The following IL1RAPL2 variants were observed in gnomAD, a reference collection of about 807,000 sequenced individuals.
IL1RAPL2 encodes interleukin 1 receptor accessory protein like 2.
In IL1RAPL2, 3 loss-of-function variants were observed where a neutral mutation model predicts 44.1. The ratio of observed to expected loss-of-function variants is 0.07; its 90% CI spans 0.03 to 0.18. The LOEUF (loss-of-function observed/expected upper bound fraction) is 0.18, where lower values mean the gene tolerates loss of function less well. Among genes scored for constraint, IL1RAPL2 ranks in the 10% least tolerant of loss-of-function variants. The probability of loss-of-function intolerance (pLI) is 1.00; values close to 1 mark genes in which losing one functional copy is unlikely to be tolerated. For synonymous variants in IL1RAPL2, 181 were observed against 178.8 expected (o/e 1.01, Z -0.10); for missense variants, 391 against 496.4 (o/e 0.79, Z 2.02).
chrX:105,611,305 AT>A (rs1007605688), intron 6 of IL1RAPL2, among the ~76,000 whole-genome samples: 14 of 111,658 alleles, frequency 1.3e-4, no homozygotes, highest in Middle Eastern at 4.7e-3. Flanking sequence ...CTGTTAAATA[AT>A]TTTTTTAATG....
intron 2 of IL1RAPL2, among the ~76,000 whole-genome samples, chrX:104,798,887 T>C (rs1266043969): frequency 9.0e-6 from 1 of 111,141 alleles, no homozygotes; most frequent in Non-Finnish European, 1.9e-5. Flanking sequence ...CTTAAAGCCT[T>C]ATTTTGTGGA....
At position 105,486,317 on chromosome X, in the gene IL1RAPL2, ATAG is replaced by A. The variant is rs375537004; in HGVS notation, c.772+1935_772+1937del. On this transcript the variant is annotated intron_variant, in intron 6 of 10. Transcript: ENST00000372582. Reference sequence around the variant, plus strand: ...ACTTTTCCAAAATGAAATATAGCAAATAGTAGTTTTTAAATAAGCCTAGCAATG... The same window carrying A: ...ACTTTTCCAAAATGAAATATAGCAAATAGTTTTTAAATAAGCCTAGCAATG... 1.4e-3 allele frequency among the ~76,000 whole-genome samples: 152 copies of A among 112,373 alleles called. 1 individual carries two copies. The highest frequency in any genetic ancestry group is 4.6e-3 in the African/African-American group (142 of 30,988).
At chrX:105,034,661 G>A (rs1214422689) in intron 2 of IL1RAPL2, among the ~76,000 whole-genome samples, 3 of 112,274 alleles carry the variant, frequency 2.7e-5, no homozygotes. Context: ...ACTGGGGGGT[G>A]CCTCCCAGTT....
intron 6 of IL1RAPL2, among the ~76,000 whole-genome samples, chrX:105,680,668 A>T (rs1250527122): frequency 8.9e-6 from 1 of 112,277 alleles, no homozygotes; most frequent in Non-Finnish European, 1.9e-5. Context: ...GAAGGGGTCA[A>T]CAAGGAGAAT....
At chrX:105,067,824 C>T (rs762869713) in intron 2 of IL1RAPL2, among the ~76,000 whole-genome samples, 1 of 104,781 alleles carries the variant, frequency 9.5e-6, no homozygotes, top group East Asian at 2.8e-4. Flanking sequence ...CACACATACA[C>T]GCATGCACAT....
chrX:104,865,320 AG>A (rs1167347346), intron 2 of IL1RAPL2, among the ~76,000 whole-genome samples: 4 of 111,915 alleles, frequency 3.6e-5, no homozygotes, highest in African/African-American at 9.8e-5. Flanking sequence ...GATAGCTTTT[AG>A]GTTAAAGATT....
intron 2 of IL1RAPL2, among the ~76,000 whole-genome samples, chrX:104,862,996 T>C (rs986273604): frequency 9.0e-6 from 1 of 111,508 alleles, no homozygotes; most frequent in Non-Finnish European, 1.9e-5. Flanking sequence ...TTAATAAATA[T>C]CATAGTGCCC....
At chrX:105,570,470 G>T (rs2037006604) in intron 6 of IL1RAPL2, among the ~76,000 whole-genome samples, 1 of 111,684 alleles carries the variant, frequency 9.0e-6, no homozygotes, top group Admixed American at 9.5e-5. Flanking sequence ...CCCACTAGTG[G>T]GACTTCTGGA....
chrX:105,737,977 T>G (rs1429470061), intron 7 of IL1RAPL2, among the ~76,000 whole-genome samples: 1 of 111,714 alleles, frequency 9.0e-6, no homozygotes, highest in Non-Finnish European at 1.9e-5. Flanking sequence ...AAGAAAATTC[T>G]TATACTTGTC....
intron 2 of IL1RAPL2, among the ~76,000 whole-genome samples, chrX:104,822,250 T>G (rs1921324296): frequency 8.9e-6 from 1 of 112,149 alleles, no homozygotes; most frequent in African/African-American, 3.2e-5. Flanking sequence ...CTCTTTAGTT[T>G]AATTAGATCC....
intron 7 of IL1RAPL2, among the ~76,000 whole-genome samples, chrX:105,725,627 T>G (rs2038343845): frequency 9.0e-6 from 1 of 111,502 alleles, no homozygotes; most frequent in Non-Finnish European, 1.9e-5. Context: ...TATGGAGCTG[T>G]GAATATGTTG....
At chrX:105,356,500 GT>G (rs1336331637) in intron 5 of IL1RAPL2, among the ~76,000 whole-genome samples, 3 of 111,273 alleles carry the variant, frequency 2.7e-5, no homozygotes, top group Non-Finnish European at 5.7e-5. Flanking sequence ...CTTCTTTTCT[GT>G]TTTCTGTTTT....
chrX:105,505,081 C>G (rs182152977), intron 6 of IL1RAPL2, among the ~76,000 whole-genome samples: 1 of 111,331 alleles, frequency 9.0e-6, no homozygotes, highest in East Asian at 2.9e-4. Flanking sequence ...TAAAATGACC[C>G]TACCCTCCCT....
intron 2 of IL1RAPL2, among the ~76,000 whole-genome samples, chrX:104,920,565 C>T (rs1390656589): frequency 2.9e-5 from 3 of 102,034 alleles, no homozygotes; most frequent in African/African-American, 7.2e-5. Flanking sequence ...CATCATGTGA[C>T]GTGCCTGCTT....
intron 2 of IL1RAPL2, among the ~76,000 whole-genome samples, chrX:105,154,355 C>G (rs2033252484): frequency 9.0e-6 from 1 of 111,422 alleles, no homozygotes; most frequent in South Asian, 3.8e-4. Context: ...TCTACACTTT[C>G]AATCACTGAA....
intron 6 of IL1RAPL2, among the ~76,000 whole-genome samples, chrX:105,608,273 G>T (rs2037310487): frequency 9.0e-6 from 1 of 111,441 alleles, no homozygotes; most frequent in South Asian, 3.8e-4. Context: ...GTTACAAAAT[G>T]GTGCAATGTG....
rs111509844 is a variant in IL1RAPL2 at position 104,626,299 on chromosome X, C to CGTGTGTGTGT, written c.-19-32592_-19-32583dup. On this transcript the variant is annotated intron_variant, in intron 1 of 10. Coordinates refer to ENST00000372582, the MANE Select transcript of IL1RAPL2 (RefSeq NM_017416.2). ...ATATCTGGGTTGTGACTGTCTCATG[C>CGTGTGTGTGT]GTGTGTGTGTGTGCGTGTGTGTGTG... Among the ~76,000 whole-genome samples the CGTGTGTGTGT allele has an allele frequency of 2.0e-3, 200 of 100,914 alleles. 2 individuals carry two copies. Among genetic ancestry groups the CGTGTGTGTGT allele is most frequent in the African/African-American group, 6.9e-3 (184 of 26,807 alleles). The allele number at this position is 100,914 out of a possible 115,157, so 87.6% of individuals were successfully genotyped here.
At chrX:105,014,459 C>G (rs1367594094) in intron 2 of IL1RAPL2, among the ~76,000 whole-genome samples, 1 of 110,794 alleles carries the variant, frequency 9.0e-6, no homozygotes, top group African/African-American at 3.3e-5. Context: ...GCTATCCCTC[C>G]CCTAGCCCCA....
At chrX:105,430,291 G>A (rs1315721149) in intron 5 of IL1RAPL2, among the ~76,000 whole-genome samples, 3 of 111,337 alleles carry the variant, frequency 2.7e-5, no homozygotes, top group Non-Finnish European at 3.8e-5. Context: ...GCCAATCACC[G>A]GTAGTACTCT....
Sources: allele counts gnomAD v4.1 joint callset (sites outside exome capture counted in the v4.1 genomes callset), GRCh38; gene constraint gnomAD v4.1.1; transcripts MANE v1.5; gene names NCBI Gene and HGNC (gene_info 2026-07-23, HGNC 2026-07-21).